Variants in P3H4 observed in about 807,000 individuals in gnomAD.
P3H4 encodes prolyl 3-hydroxylase family member 4 (inactive), also known as endoplasmic reticulum protein SC65.
Under a neutral mutation model 52.9 loss-of-function variants are expected in P3H4, and 47 were observed. The observed-to-expected ratio is 0.89, with a 90% CI of 0.70 to 1.13. P3H4 has a LOEUF of 1.13. P3H4 is among the 50% of genes most tolerant of loss of function. The probability of loss-of-function intolerance (pLI) is 0.00; values close to 1 mark genes in which losing one functional copy is unlikely to be tolerated. For missense variants in P3H4, 585 were observed against 611.0 expected, an observed-to-expected ratio of 0.96 and a Z score of 0.45; for synonymous variants, 256 against 267.9, an observed-to-expected ratio of 0.96 and a Z score of 0.44.
At chr17:41,810,720 C>T in intron 3 of P3H4, 143 bp downstream of exon 3, 1 of 1,056,024 alleles carries the variant, frequency 9.5e-7, no homozygotes, top group Non-Finnish European at 1.3e-6. Flanking sequence ...GGCCCCTGCA[C>T]CCAGCGTCTT....
In P3H4 at chr17:41,802,939, G is replaced by T. The variant is rs1258823357; in HGVS notation, c.*18C>A. On this transcript the variant is annotated 3_prime_UTR_variant, in exon 8 of 8. Transcript: ENST00000393928. ...GCACCAGGCTTCCCAAGCTTGAGCGGTGTGGGGTGTCCCCTTCTCATGCGA... is the reference window on the plus strand; with the variant it reads ...GCACCAGGCTTCCCAAGCTTGAGCGTTGTGGGGTGTCCCCTTCTCATGCGA... 13 of 1,611,698 alleles carry T rather than the reference G, an allele frequency of 8.1e-6. No homozygotes were observed. Among genetic ancestry groups the T allele is most frequent in the East Asian group, 2.2e-5 (1 of 44,782 alleles).
rs782752371 is a variant in P3H4 at position 41,807,896 on chromosome 17, C to A, written c.1025G>T (p.Arg342Leu). ...NLVYYRFHRA[R>L]WGLEEEDFQP... The stretch of plus-strand genomic sequence containing the variant: ...GAAGTCCTCCTCTTCCAGGCCCCAG[C>A]GAGCCCGGTGGAACCGGTAATACAC... Residue 342 changes from arginine (R) to leucine (L), a missense_variant, in exon 5 of 8, where the codon CGC becomes CTC. Coordinates refer to ENST00000393928, the MANE Select transcript of P3H4 (RefSeq NM_006455.3). The A allele has an allele frequency of 2.5e-6, 4 of 1,614,018 alleles. No homozygotes were observed. Among genetic ancestry groups the A allele is most frequent in the Non-Finnish European group, 3.4e-6 (4 of 1,179,952 alleles).
rs1049799978 is a variant in P3H4 at position 41,811,052 on chromosome 17, G to C, written c.616-18C>G. On this transcript the variant is annotated intron_variant, in intron 2 of 7. Coordinates refer to ENST00000393928, the MANE Select transcript of P3H4 (RefSeq NM_006455.3). This position sits in a 1 kb window ranked among gnomAD's most constrained non-coding sequence, Gnocchi z 4.8. ...AACACGGCCTGGAAGGGGCGTGGCA[G>C]GGGGAGTCAGGGCGCCCCCAACATC... The C allele has an allele frequency of 1.2e-6, 2 of 1,608,298 alleles. No individual in the cohort carries two copies. Among genetic ancestry groups the C allele is most frequent in the Non-Finnish European group, 1.7e-6 (2 of 1,175,594 alleles).
In P3H4 at chr17:41,811,657, C is replaced by T. The variant is rs1555615213; in HGVS notation, c.259G>A (p.Ala87Thr). Residue 87 changes from alanine to threonine, a missense_variant, in exon 1 of 8, where the codon GCC becomes ACC. Coordinates refer to ENST00000393928, the MANE Select transcript of P3H4 (RefSeq NM_006455.3). This position sits in a 1 kb window ranked among gnomAD's most constrained non-coding sequence, Gnocchi z 4.8. ...HANCSGPAPAAKPDPDGGRAD... is the reference protein window; with the variant it reads ...HANCSGPAPATKPDPDGGRAD... Reference sequence around the variant, plus strand: ...CGGCCGCCGTCGGGATCGGGCTTGGCCGCGGGCGCGGGGCCGCTGCAGTTG... The same window carrying T: ...CGGCCGCCGTCGGGATCGGGCTTGGTCGCGGGCGCGGGGCCGCTGCAGTTG... 3.5e-6 allele frequency: 5 copies of T among 1,431,240 alleles called. No individual in the cohort carries two copies. The highest frequency in any genetic ancestry group is 1.5e-5 in the South Asian group (1 of 66,916). The allele number at this position is 1,431,240 out of a possible 1,614,324, so 88.7% of individuals were successfully genotyped here. A position where few individuals can be genotyped will look rare whatever the true frequency, so the allele number is the denominator to read the frequency against.
chr17:41,810,979 G>T lies in P3H4; in HGVS notation c.671C>A (p.Thr224Lys). ...TGACAAGGCCCGCTCCATGTCCTCCGTGCTGCTGCGGAAATCCCCGCTGTT... is the reference window on the plus strand; with the variant it reads ...TGACAAGGCCCGCTCCATGTCCTCCTTGCTGCTGCGGAAATCCCCGCTGTT... ...LYNSGDFRSS[T>K]EDMERALSEY... is the part of the protein sequence containing the mutation. The change falls in exon 3 of 8, where the codon ACG becomes AAG. Residue 224 changes from threonine to lysine, a missense_variant. Coordinates refer to ENST00000393928, the MANE Select transcript of P3H4 (RefSeq NM_006455.3). 6.2e-7 allele frequency: 1 copy of T among 1,614,162 alleles called. No individual in the cohort carries two copies. The highest frequency in any genetic ancestry group is 8.5e-7 in the Non-Finnish European group (1 of 1,180,026).
intron 6 of P3H4, among the ~76,000 whole-genome samples, chr17:41,806,367 A>G (rs568289942): frequency 2.0e-5 from 3 of 152,296 alleles, no homozygotes; most frequent in Admixed American, 2.0e-4. Flanking sequence ...AGAACAGGGA[A>G]TAATGTGGCC....
chr17:41,803,315 C>T lies in P3H4; in HGVS notation c.1263G>A (p.Pro421=), dbSNP rs782457623. 14 of 1,613,948 alleles carry T rather than the reference C, an allele frequency of 8.7e-6. No homozygotes were observed. Among genetic ancestry groups the T allele is most frequent in the East Asian group, 2.2e-5 (1 of 44,852 alleles). Reference sequence around the variant, plus strand: ...CCTCGGCCTCGTCACCCTTGGCATCCGGCTCCTGCCACCAGTCAGCATACA... The same window carrying T: ...CCTCGGCCTCGTCACCCTTGGCATCTGGCTCCTGCCACCAGTCAGCATACA... ...EGMYADWWQE[P]DAKGDEAEAE... is the part of the protein sequence containing the mutation. Residue 421 remains proline (P), a synonymous_variant, in exon 7 of 8, where the codon CCG becomes CCA. Transcript: ENST00000393928.
chr17:41,806,897 C>A lies in P3H4; in HGVS notation c.1063-18G>T. On this transcript the variant is annotated intron_variant, in intron 5 of 7. Transcript: ENST00000393928. The stretch of plus-strand genomic sequence containing the variant: ...ATGGCCTCCTGGAAGGAGGGAAGGA[C>A]GGGGTGGGGGGTGAGCCATACCCTG... The A allele has an allele frequency of 1.2e-6, 2 of 1,606,312 alleles. No individual in the cohort carries two copies. The highest frequency in any genetic ancestry group is 3.4e-5 in the Admixed American group (2 of 59,638).
chr17:41,803,184 A>T, intron 7 of P3H4, 103 bp downstream of exon 7: 1 of 1,506,658 alleles, frequency 6.6e-7, no homozygotes, highest in South Asian at 1.3e-5. Flanking sequence ...GGGCCCCAGC[A>T]CCCACACACA....
Position 41,811,216 on chromosome 17 carries a change from C to G in P3H4, c.531G>C (p.Leu177=). ...GATAGTAGTTGAGATACTTGGCGGTCAGCTCGTGCTTCGGGTTCCTCTGGA... is the reference window on the plus strand; with the variant it reads ...GATAGTAGTTGAGATACTTGGCGGTGAGCTCGTGCTTCGGGTTCCTCTGGA... ...TFLQRNPKHE[L]TAKYLNYYQG... Residue 177 remains leucine (L), a synonymous_variant, in exon 2 of 8, where the codon CTG becomes CTC. Coordinates refer to ENST00000393928, the MANE Select transcript of P3H4 (RefSeq NM_006455.3). The surrounding 1 kb of genome is among the most constrained non-coding windows in gnomAD (Gnocchi z 4.8). The G allele has an allele frequency of 6.2e-7, 1 of 1,614,126 alleles. No individual in the cohort carries two copies. Among genetic ancestry groups the G allele is most frequent in the Non-Finnish European group, 8.5e-7 (1 of 1,180,038 alleles).
At chr17:41,804,986 A>G (rs1344718206) in intron 6 of P3H4, among the ~76,000 whole-genome samples, 2 of 147,412 alleles carry the variant, frequency 1.4e-5, no homozygotes, top group African/African-American at 2.5e-5. Context: ...GAAAAAAAAA[A>G]GAAAAATGCA....
Position 41,802,637 on chromosome 17 carries a change from T to C in P3H4, c.*320A>G, listed in dbSNP as rs1249888805. 4 of 300,180 alleles carry C rather than the reference T, an allele frequency of 1.3e-5. No individual in the cohort carries two copies. The highest frequency in any genetic ancestry group is 2.5e-5 in the Non-Finnish European group (4 of 161,748). 18.6% of individuals were successfully genotyped at this position (300,180 alleles called of 1,614,324 possible). ...CGCAATCTCAGTTCACTGCAACCTT[T>C]GCCTCCCAGGTTCAAGCGATTCTCC... is the stretch of plus-strand genomic sequence containing the variant. On this transcript the variant is annotated 3_prime_UTR_variant, in exon 8 of 8. Coordinates refer to ENST00000393928, the MANE Select transcript of P3H4 (RefSeq NM_006455.3).
rs1460584114 is a variant in P3H4 at position 41,809,707 on chromosome 17, C to T, written c.915G>A (p.Lys305=). The T allele has an allele frequency of 8.7e-6, 14 of 1,613,012 alleles. No individual in the cohort carries two copies. Among genetic ancestry groups the T allele is most frequent in the Non-Finnish European group, 1.2e-5 (14 of 1,179,724 alleles). Residue 305 remains lysine (K), a splice_region_variant and synonymous_variant, in exon 4 of 8, where the codon AAG becomes AAA. Transcript: ENST00000393928. ...MYHYLQFAYY[K]LNDVRQAARS... is the part of the protein sequence containing the mutation. ...AGCCAGCCCACCCAGGGGGCTCACA[C>T]TTATAGTAGGCAAACTGCAGGTAGT...
chr17:41,810,433 G>C (rs908867094), intron 3 of P3H4, among the ~76,000 whole-genome samples: 14 of 151,996 alleles, frequency 9.2e-5, no homozygotes, highest in Non-Finnish European at 2.9e-5. Flanking sequence ...CGGCCTCCCA[G>C]AGTGCTGAGA....
At chr17:41,808,714 A>T (rs2047699828) in intron 4 of P3H4, among the ~76,000 whole-genome samples, 1 of 152,114 alleles carries the variant, frequency 6.6e-6, no homozygotes, top group South Asian at 2.1e-4. Flanking sequence ...TGTCATCCCC[A>T]TTTTACAGTC....
chr17:41,810,032 A>G (rs1199361373), intron 3 of P3H4, among the ~76,000 whole-genome samples, 198 bp from the exon 4 acceptor site: 2 of 152,014 alleles, frequency 1.3e-5, no homozygotes, highest in Non-Finnish European at 2.9e-5. Context: ...GAGGAAGATG[A>G]CTGTGGGCTG....
At chr17:41,804,168 G>T (rs1597893571) in intron 6 of P3H4, among the ~76,000 whole-genome samples, 1 of 151,928 alleles carries the variant, frequency 6.6e-6, no homozygotes, top group East Asian at 2.0e-4. Flanking sequence ...AGCCAGGATG[G>T]TCTCAATCTT....
intron 3 of P3H4, 37 bp downstream of exon 3, chr17:41,810,826 T>G (rs1555614875): frequency 6.3e-7 from 1 of 1,586,724 alleles, no homozygotes; most frequent in Admixed American, 1.7e-5. Context: ...GCCCTGTGGG[T>G]GAGAGGACCG....
At chr17:41,803,261 ACCC>A (rs782543483) in intron 7 of P3H4, 23 bp downstream of exon 7, 1 of 1,598,378 alleles carries the variant, frequency 6.3e-7, no homozygotes. Flanking sequence ...CTGCATCCCC[ACCC>A]CCCAAGGACT....
Sources: gnomAD v4.1 joint callset for allele counts (sites outside exome capture counted in the v4.1 genomes callset) on GRCh38, gnomAD v4.1.1 for gene constraint, Gnocchi (gnomAD v3.1) non-coding constraint, MANE v1.5 for transcripts, NCBI Gene and HGNC (gene_info 2026-07-23, HGNC 2026-07-21) for gene names.